IFT172: variants seen among roughly 807,000 people sequenced by gnomAD.
IFT172 encodes intraflagellar transport 172.
A neutral mutation model predicts 248.9 loss-of-function variants in IFT172; 164 were observed. That is an observed-to-expected ratio of 0.66 (90% CI 0.58 to 0.75). IFT172 has a LOEUF of 0.75. IFT172 is among the 30% of genes least tolerant of loss of function. The pLI is 0.00. For synonymous variants in IFT172, 729 were observed against 791.6 expected (o/e 0.92, Z 1.33); for missense variants, 1,950 against 2,192.4 (o/e 0.89, Z 2.21).
chr2:27,458,201 G>A lies in IFT172; in HGVS notation c.2900C>T (p.Pro967Leu), dbSNP rs768789372. The A allele has an allele frequency of 1.2e-6, 2 of 1,614,110 alleles. No individual in the cohort carries two copies. Among genetic ancestry groups the A allele is most frequent in the Non-Finnish European group, 1.7e-6 (2 of 1,179,982 alleles). Residue 967 changes from proline (P) to leucine (L), a missense_variant, in exon 27 of 48, where the codon CCA (proline) becomes CTA (leucine). By Grantham distance (98) the Pro-to-Leu change is moderately conservative. This residue lies in a region of IFT172 where 1,166 missense variants were observed against 1,254.1 expected (regional missense o/e 0.93). Transcript: ENST00000260570. The stretch of plus-strand genomic sequence containing the variant: ...GATGTATAGCACTGACACATCTTCT[G>A]GTCTCATGCATTTCATCGCCAGCTG... The part of the protein sequence containing the change: ...AHKLAMKCMR[P>L]EDVSVLYITQ...
In IFT172 at chr2:27,469,256, G is replaced by C. The variant is rs996204197; in HGVS notation, c.1692+1672C>G. 5.9e-5 allele frequency among the ~76,000 whole-genome samples: 9 copies of C among 152,094 alleles called. No homozygotes were observed. In the East Asian group the frequency reaches 1.7e-3, roughly 29 times the overall value. On this transcript the variant is annotated intron_variant, in intron 16 of 47. Coordinates refer to ENST00000260570, the MANE Select transcript of IFT172 (RefSeq NM_015662.3). Reference sequence around the variant, plus strand: ...AAAAATACAAAAATTAGCCAGGCATGGTGGCACATGCCTGTAATCCCAGCT... The same window carrying C: ...AAAAATACAAAAATTAGCCAGGCATCGTGGCACATGCCTGTAATCCCAGCT...
intron 35 of IFT172, 23 bp from the exon 36 acceptor site, chr2:27,450,119 G>A: frequency 6.4e-7 from 1 of 1,561,376 alleles, no homozygotes; most frequent in Non-Finnish European, 8.8e-7. Context: ...ACAGAAGATG[G>A]AAATGGGTAG....
At position 27,484,275 on chromosome 2, in the gene IFT172, C is replaced by T; in HGVS notation, c.297-9G>A. The T allele has an allele frequency of 1.9e-6, 3 of 1,613,582 alleles. No individual in the cohort carries two copies. The highest frequency in any genetic ancestry group is 1.7e-4 in the Middle Eastern group (1 of 6,052). On this transcript the variant is annotated splice_polypyrimidine_tract_variant and intron_variant, in intron 3 of 47. Transcript: ENST00000260570. ...TGACTTTCTTGTCACCCCTGCCAAA[C>T]AAAAGAAGGGGAAACATATTAAAAA...
chr2:27,465,977 G>T (rs577213497), intron 16 of IFT172, 95 bp from the exon 17 acceptor site: 3 of 1,402,820 alleles, frequency 2.1e-6, no homozygotes, highest in Non-Finnish European at 3.0e-6. Context: ...CCCAGTCAGT[G>T]GTCAAGAGAG....
At position 27,477,562 on chromosome 2, in the gene IFT172, C is replaced by T; in HGVS notation, c.1218G>A (p.Glu406=). 1 of 1,604,098 alleles carries T rather than the reference C, an allele frequency of 6.2e-7. No homozygotes were observed. The highest frequency in any genetic ancestry group is 1.1e-5 in the South Asian group (1 of 90,898). Residue 406 remains glutamate (E), a synonymous_variant, in exon 12 of 48, where the codon GAG becomes GAA. Transcript: ENST00000260570. The part of the protein sequence containing the change: ...GGNEKYFFEN[E]NVCMIFNAGE... The stretch of plus-strand genomic sequence containing the variant: ...TGGTGAATCAAGCTCTACTCACATT[C>T]TCATTTTCAAAGAAATACTTCTCAT...
chr2:27,449,455 GTC>G (rs1665455084), intron 38 of IFT172, 42 bp downstream of exon 38: 1 of 1,611,722 alleles, frequency 6.2e-7, no homozygotes, highest in South Asian at 1.1e-5. Context: ...AGTCTTGTGA[GTC>G]TCTCCCTGCA....
intron 18 of IFT172, 121 bp from the exon 19 acceptor site, chr2:27,463,302 G>C: frequency 5.0e-6 from 4 of 795,362 alleles, no homozygotes; most frequent in Non-Finnish European, 7.9e-6. Flanking sequence ...CTTGTCACTG[G>C]AGACATATAG....
chr2:27,467,034 T>C (rs1224235529), intron 16 of IFT172, among the ~76,000 whole-genome samples: 8 of 152,048 alleles, frequency 5.3e-5, no homozygotes, highest in Admixed American at 5.2e-4. Context: ...TGTTTTTGTT[T>C]TGTTTTTAAG....
Position 27,476,676 on chromosome 2 carries a change from A to C in IFT172, c.1376T>G (p.Leu459Trp), listed in dbSNP as rs1326760228. ...CQRGTEDNKK[L>W]AYLIDIKTIA... ...AGTCTTAATATCAATAAGATAAGCC[A>C]ATTTCTTATTATCTTCTGTTCCTCG... is the stretch of plus-strand genomic sequence containing the variant. The change falls in exon 14 of 48, where the codon TTG becomes TGG. Residue 459 changes from leucine (L) to tryptophan (W), a missense_variant. This residue lies in a region of IFT172 where 1,166 missense variants were observed against 1,254.1 expected (regional missense o/e 0.93). Transcript: ENST00000260570. The C allele has an allele frequency of 6.2e-7, 1 of 1,611,274 alleles. No individual in the cohort carries two copies. Among genetic ancestry groups the C allele is most frequent in the Non-Finnish European group, 8.5e-7 (1 of 1,177,504 alleles).
intron 12 of IFT172, 29 bp from the exon 13 acceptor site, chr2:27,477,349 G>C: frequency 6.3e-7 from 1 of 1,586,024 alleles, no homozygotes; most frequent in Non-Finnish European, 8.7e-7. Context: ...TTATACGGTG[G>C]AAAGGCTACA....
At chr2:27,479,001 C>T (rs1668158188) in intron 10 of IFT172, among the ~76,000 whole-genome samples, 1 of 152,062 alleles carries the variant, frequency 6.6e-6, no homozygotes, top group Non-Finnish European at 1.5e-5. Flanking sequence ...ATGCCTGGTG[C>T]TTAAAACTTT....
chr2:27,477,020 T>G, intron 13 of IFT172, 197 bp downstream of exon 13: 2 of 628,518 alleles, frequency 3.2e-6, no homozygotes, highest in Non-Finnish European at 5.6e-6. Context: ...AGATGGGGTT[T>G]CACCATGTTG....
intron 26 of IFT172, 133 bp downstream of exon 26, chr2:27,458,646 G>A: frequency 1.1e-6 from 1 of 941,594 alleles, no homozygotes; most frequent in South Asian, 1.7e-5. Context: ...GGATCAAAGT[G>A]GCTCAGACTG....
At chr2:27,485,171 TG>T in intron 2 of IFT172, 41 bp from the exon 3 acceptor site, 2 of 1,443,474 alleles carry the variant, frequency 1.4e-6, no homozygotes, top group Non-Finnish European at 1.9e-6. Flanking sequence ...AAAGAAGTAA[TG>T]AGTACACATG....
chr2:27,476,799 C>T, intron 13 of IFT172, 73 bp from the exon 14 acceptor site: 2 of 828,974 alleles, frequency 2.4e-6, no homozygotes, highest in Non-Finnish European at 4.1e-6. Flanking sequence ...CTCTGAAGTA[C>T]CATATGGGAT....
intron 1 of IFT172, among the ~76,000 whole-genome samples, chr2:27,488,109 A>G (rs975616762): frequency 1.2e-4 from 18 of 151,736 alleles, no homozygotes; most frequent in Non-Finnish European, 2.9e-5. Flanking sequence ...CAGTGACCCC[A>G]GCAGCTGGGC....
intron 36 of IFT172, 69 bp downstream of exon 36, chr2:27,449,929 G>A (rs1182723267): frequency 1.4e-6 from 2 of 1,450,260 alleles, no homozygotes; most frequent in Admixed American, 1.7e-5. Flanking sequence ...CACCTTCCTG[G>A]GTGTAGATGT....
At chr2:27,446,047 C>G in intron 43 of IFT172, 59 bp from the exon 44 acceptor site, 1 of 1,598,026 alleles carries the variant, frequency 6.3e-7, no homozygotes, top group South Asian at 1.1e-5. Context: ...TGCTACTTCT[C>G]TGGGATCCAG....
At position 27,471,096 on chromosome 2, in the gene IFT172, C is replaced by T. The variant is rs370540673; in HGVS notation, c.1525-1G>A. 2.1e-5 allele frequency: 34 copies of T among 1,604,046 alleles called. No individual in the cohort carries two copies. Among genetic ancestry groups the T allele is most frequent in the Non-Finnish European group, 2.8e-5 (33 of 1,177,660 alleles). On this transcript the variant is annotated splice_acceptor_variant, in intron 15 of 47. Transcript: ENST00000260570. LOFTEE classifies it high-confidence loss of function. ...AGCTTTCAATATCATACAGATGCAA[C>T]TGAAGAAAGAAAAGGCAGGTAACAC...
Sources: allele counts gnomAD v4.1 joint callset (sites outside exome capture counted in the v4.1 genomes callset), GRCh38; gene constraint gnomAD v4.1.1; regional missense constraint gnomAD v4.1.1; transcripts MANE v1.5; gene names NCBI Gene and HGNC (gene_info 2026-07-23, HGNC 2026-07-21).